Variants in SPATA33 observed in about 807,000 individuals in gnomAD.
SPATA33 encodes the protein spermatogenesis-associated protein 33.
SPATA33 carries 10 observed loss-of-function variants against 8.9 expected under a neutral mutation model. That is an observed-to-expected ratio of 1.12 (90% CI 0.69 to 1.90). The LOEUF (loss-of-function observed/expected upper bound fraction) is 1.90. SPATA33 is among the 40% of genes most tolerant of loss of function. The probability of loss-of-function intolerance (pLI) is 0.00; values close to 1 mark genes in which losing one functional copy is unlikely to be tolerated. For synonymous variants in SPATA33, 96 were observed against 72.8 expected, an observed-to-expected ratio of 1.32 and a Z score of -1.63; for missense variants, 241 against 178.3, an observed-to-expected ratio of 1.35 and a Z score of -2.00.
chr16:89,664,391 C>T (rs914141284), intron 2 of SPATA33, among the ~76,000 whole-genome samples: 1 of 152,178 alleles, frequency 6.6e-6, no homozygotes, highest in Admixed American at 6.6e-5. Flanking sequence ...GGGAAACAGC[C>T]ATGTGTAACC....
chr16:89,669,944 G>C lies in SPATA33; in HGVS notation c.*447G>C, dbSNP rs2434871. The C allele has an allele frequency of 0.72, 111,976 of 155,890 alleles. 39,140 individuals are homozygous for C. Among genetic ancestry groups the C allele is most frequent in the Middle Eastern group, 0.78 (232 of 298 alleles). The allele number at this position is 155,890 out of a possible 1,614,324, so 9.7% of individuals were successfully genotyped here. The stretch of plus-strand genomic sequence containing the variant: ...GGAGGGTGCACCAGGGCTGCCCCAC[G>C]CTGTAAGAAGCCGCCGCCCCCTTCT... On this transcript the variant is annotated 3_prime_UTR_variant, in exon 3 of 3. Coordinates refer to ENST00000579310, the MANE Select transcript of SPATA33 (RefSeq NM_001271907.2).
At chr16:89,659,008 A>G (rs184008834) in intron 2 of SPATA33, 19 of 153,382 alleles carry the variant, frequency 1.2e-4, no homozygotes, top group Admixed American at 1.0e-3. Flanking sequence ...AATATTTTAA[A>G]CAACGGAGGT....
At chr16:89,660,342 G>A in intron 2 of SPATA33, 3 of 558,032 alleles carry the variant, frequency 5.4e-6, no homozygotes, top group Non-Finnish European at 5.4e-6. Context: ...GCTGGAGGGA[G>A]CTGTGAAGCA....
intron 2 of SPATA33, chr16:89,659,189 C>G (rs1394880291): frequency 6.6e-6 from 1 of 152,218 alleles, no homozygotes; most frequent in East Asian, 1.9e-4. Flanking sequence ...AGGTCTGTGC[C>G]TACCAACAGG....
At chr16:89,658,455 A>C (rs1273926174) in intron 2 of SPATA33, 34 bp downstream of exon 2, 2 of 1,564,596 alleles carry the variant, frequency 1.3e-6, no homozygotes, top group Non-Finnish European at 1.7e-6. Context: ...AAGCGAGGTC[A>C]GTGGCTTGGA....
At chr16:89,661,153 A>G in intron 2 of SPATA33, 2 of 985,496 alleles carry the variant, frequency 2.0e-6, no homozygotes, top group East Asian at 1.1e-4. Context: ...CAGAAGGGCC[A>G]TGATGGGGAG....
chr16:89,657,918 CT>C lies in SPATA33; in HGVS notation c.10del (p.Ser4ProfsTer28). MG[L>X]SKSKEKPRKG... ...GGGGGCGGTGGGCTCACCCATGGGCCTTTCCAAAAGCAAAGAGAAACCCAGG... is the reference window on the plus strand; with the variant it reads ...GGGGGCGGTGGGCTCACCCATGGGCCTTCCAAAAGCAAAGAGAAACCCAGG... On this transcript the variant is annotated frameshift_variant, in exon 1 of 3. Transcript: ENST00000579310. LOFTEE classifies it high-confidence loss of function. The C allele has an allele frequency of 6.6e-7, 1 of 1,519,342 alleles. No homozygotes were observed. The highest frequency in any genetic ancestry group is 8.8e-7 in the Non-Finnish European group (1 of 1,140,584). The allele number at this position is 1,519,342 out of a possible 1,614,324, so 94.1% of individuals were successfully genotyped here.
intron 2 of SPATA33, among the ~76,000 whole-genome samples, chr16:89,662,338 A>T (rs1256610325): frequency 6.6e-6 from 1 of 151,856 alleles, no homozygotes; most frequent in African/African-American, 2.4e-5. Context: ...AAAGAACAAG[A>T]TAACAAAATA....
intron 2 of SPATA33, chr16:89,661,308 C>G (rs1437510705): frequency 4.3e-6 from 3 of 703,574 alleles, no homozygotes; most frequent in Non-Finnish European, 3.5e-6. Context: ...CAGGTCTTTC[C>G]TGTGCTGTTT....
chr16:89,669,320 G>T lies in SPATA33; in HGVS notation c.246G>T (p.Lys82Asn). The T allele has an allele frequency of 6.2e-7, 1 of 1,614,192 alleles. No individual in the cohort carries two copies. Among genetic ancestry groups the T allele is most frequent in the Non-Finnish European group, 8.5e-7 (1 of 1,180,046 alleles). ...ATGTAAAGCAAAAGTCCAGCAGGAA[G>T]AAAGTGGTCGTTCCACAGATCATCA... Reference protein sequence around the residue: ...KPDVKQKSSRKKVVVPQIIIT... With the variant: ...KPDVKQKSSRNKVVVPQIIIT... Residue 82 changes from lysine to asparagine, a missense_variant, in exon 3 of 3, where the codon AAG becomes AAT. Physicochemically the swap from Lys to Asn is moderately conservative, Grantham distance 94 (BLOSUM62 0). Transcript: ENST00000579310.
At chr16:89,658,582 A>G in intron 2 of SPATA33, 161 bp downstream of exon 2, 2 of 878,882 alleles carry the variant, frequency 2.3e-6, no homozygotes, top group Non-Finnish European at 3.4e-6. Context: ...TAGGAGGTAA[A>G]TATCCAGAAA....
intron 2 of SPATA33, among the ~76,000 whole-genome samples, chr16:89,666,822 G>T (rs1023618255): frequency 6.6e-6 from 1 of 152,164 alleles, no homozygotes; most frequent in East Asian, 1.9e-4. Context: ...GGCAGCCAAG[G>T]CAGAGAGAGA....
chr16:89,662,855 A>G (rs1262883057), intron 2 of SPATA33, among the ~76,000 whole-genome samples: 2 of 152,024 alleles, frequency 1.3e-5, no homozygotes, highest in Non-Finnish European at 2.9e-5. Flanking sequence ...GTGCAGTGGC[A>G]CAATCTTGGC....
intron 2 of SPATA33, among the ~76,000 whole-genome samples, chr16:89,667,706 T>C (rs1456243492): frequency 1.3e-5 from 2 of 152,194 alleles, no homozygotes; most frequent in Non-Finnish European, 2.9e-5. Context: ...AGTGCAGCTG[T>C]GGGTCATTCG....
At position 89,660,267 on chromosome 16, in the gene SPATA33, T is replaced by C. The variant is rs1342431782; in HGVS notation, c.211+1846T>C. ...TTGCTTCATATTAGCAAGGAAACCT[T>C]TCCCAGGAAGGCTTCGCCTGCCCAG... On this transcript the variant is annotated intron_variant, in intron 2 of 2. Transcript: ENST00000579310. 8.0e-6 allele frequency: 3 copies of C among 372,918 alleles called. No homozygotes were observed. In the Admixed American group the frequency reaches 1.4e-4, roughly 17 times the overall value. 23.1% of individuals were successfully genotyped at this position (372,918 alleles called of 1,614,324 possible).
intron 1 of SPATA33, 99 bp from the exon 2 acceptor site, chr16:89,658,149 C>T (rs755235146): frequency 6.4e-7 from 1 of 1,556,384 alleles, no homozygotes; most frequent in South Asian, 1.2e-5. Context: ...AGACTTGAAG[C>T]CAGCTTATTC....
chr16:89,663,204 CCAATCCCAGAAGGT>C (rs2059985688), intron 2 of SPATA33, among the ~76,000 whole-genome samples: 1 of 151,536 alleles, frequency 6.6e-6, no homozygotes, highest in African/African-American at 2.4e-5. Context: ...GTGAAAAAAG[CCAATCCCAGAAGGT>C]CACATGCTGT....
chr16:89,668,655 G>C (rs908374393), intron 2 of SPATA33, among the ~76,000 whole-genome samples: 3 of 151,858 alleles, frequency 2.0e-5, no homozygotes, highest in African/African-American at 7.3e-5. Context: ...CGTAGCAGTG[G>C]CACTCCACGA....
At position 89,657,850 on chromosome 16, in the gene SPATA33, G is replaced by T. The variant is rs1007536100; in HGVS notation, c.-62G>T. ...GAGGACCTTTTGTGAGTCGCTCCCG[G>T]CTCCGCGGCCGCGGAGGTGTGGGGA... On this transcript the variant is annotated 5_prime_UTR_variant, in exon 1 of 3. Transcript: ENST00000579310. 1 of 1,510,226 alleles carries T rather than the reference G, an allele frequency of 6.6e-7. No homozygotes were observed. The highest frequency in any genetic ancestry group is 1.4e-5 in the African/African-American group (1 of 69,042). 93.6% of individuals were successfully genotyped at this position (1,510,226 alleles called of 1,614,324 possible). A position where few individuals can be genotyped will look rare whatever the true frequency, so the allele number is the denominator to read the frequency against.
Sources: allele counts gnomAD v4.1 joint callset (sites outside exome capture counted in the v4.1 genomes callset), GRCh38; gene constraint gnomAD v4.1.1; transcripts MANE v1.5; gene names NCBI Gene and HGNC (gene_info 2026-07-23, HGNC 2026-07-21).